The following FGF13 variants were observed in gnomAD, a reference collection of about 807,000 sequenced individuals.
The protein encoded by FGF13 is fibroblast growth factor 13.
FGF13 carries 2 observed loss-of-function variants against 19.5 expected under a neutral mutation model. The ratio of observed to expected loss-of-function variants is 0.10; its 90% confidence interval spans 0.04 to 0.32. FGF13 has a LOEUF of 0.32. Ranked by LOEUF, FGF13 falls within the 10% of genes least tolerant of loss-of-function variation. FGF13 has a pLI of 1.00. For missense variants in FGF13, 113 were observed against 192.7 expected (o/e 0.59, Z 2.45); for synonymous variants, 72 against 76.9 (o/e 0.94, Z 0.33).
intron 1 of FGF13, among the ~76,000 whole-genome samples, chrX:138,943,908 T>C (rs929965724): frequency 1.8e-5 from 2 of 111,693 alleles, no homozygotes; most frequent in African/African-American, 3.3e-5. Context: ...AAATCATTCA[T>C]GAAAAGGAAA....
At chrX:139,193,398 C>T (rs907808660) in intron 1 of FGF13, among the ~76,000 whole-genome samples, 2 of 112,134 alleles carry the variant, frequency 1.8e-5, no homozygotes, top group Non-Finnish European at 3.8e-5. Context: ...ATTGTCATTA[C>T]GTAACACATT....
chrX:139,022,244 G>A (rs746040910), intron 1 of FGF13, among the ~76,000 whole-genome samples: 1 of 111,545 alleles, frequency 9.0e-6, no homozygotes, highest in East Asian at 2.9e-4. Context: ...GATGTATATG[G>A]AAAGAAGCAC....
At chrX:138,691,109 G>A (rs2089834640) in intron 3 of FGF13, among the ~76,000 whole-genome samples, 1 of 111,153 alleles carries the variant, frequency 9.0e-6, no homozygotes, top group Non-Finnish European at 1.9e-5. Context: ...GAAGAGCAAT[G>A]AAGGGAGTTT....
At chrX:139,055,198 T>C (rs2092317374) in intron 1 of FGF13, among the ~76,000 whole-genome samples, 1 of 111,478 alleles carries the variant, frequency 9.0e-6, no homozygotes, top group South Asian at 3.8e-4. Flanking sequence ...TTGCTCTGGC[T>C]AGGAATTCCA....
intron 1 of FGF13, among the ~76,000 whole-genome samples, chrX:139,024,990 A>G (rs1483399322): frequency 9.0e-6 from 1 of 110,833 alleles, no homozygotes; most frequent in Non-Finnish European, 1.9e-5. Flanking sequence ...TCACTCTCAA[A>G]GAGTCCTGCC....
At chrX:138,765,087 T>C (rs1244306189) in intron 3 of FGF13, among the ~76,000 whole-genome samples, 1 of 112,304 alleles carries the variant, frequency 8.9e-6, no homozygotes, top group Non-Finnish European at 1.9e-5. Context: ...ATTTCCTTAA[T>C]ATGTATTTGG....
In FGF13 at chrX:138,626,488, AT is replaced by A. The variant is rs1433649445; in HGVS notation, c.*6361del. 61 of 111,942 alleles carry A rather than the reference AT, an allele frequency of 5.4e-4. No homozygotes were observed. The highest frequency in any genetic ancestry group is 1.4e-3 in the African/African-American group (43 of 30,798). The allele number at this position is 111,942 out of a possible 1,213,427, so 9.2% of individuals were successfully genotyped here. A position where few individuals can be genotyped will look rare whatever the true frequency, so the allele number is the denominator to read the frequency against. ...AATGTTTAAATTTCCCTAATCAAAA[AT>A]TTTTCCTCCATTGTATTTTTTACAT... On this transcript the variant is annotated 3_prime_UTR_variant, in exon 5 of 5. Transcript: ENST00000315930.
At chrX:138,866,568 C>T (rs986294325) in intron 1 of FGF13, among the ~76,000 whole-genome samples, 14 of 111,009 alleles carry the variant, frequency 1.3e-4, no homozygotes, top group South Asian at 3.8e-4. Context: ...ATCACAGTTC[C>T]GCTCCCACCC....
At chrX:138,782,566 G>C (rs1373004977) in intron 3 of FGF13, among the ~76,000 whole-genome samples, 3 of 105,969 alleles carry the variant, frequency 2.8e-5, no homozygotes, top group African/African-American at 1.0e-4. Context: ...ATTCACAATT[G>C]CTTCAAAGAG....
chrX:138,741,927 C>G (rs779609161), upstream of FGF13, among the ~76,000 whole-genome samples: 4 of 111,867 alleles, frequency 3.6e-5, no homozygotes, highest in Non-Finnish European at 7.5e-5. Context: ...GACTCAGGTT[C>G]CACACTACCA....
rs138561000 is a variant in FGF13, at chrX:139,135,609, G to A, written c.-113+67807C>T. On this transcript the variant is annotated intron_variant, in intron 1 of 2. Transcript: ENST00000421460. ...TGCTTGGTTATGTGAGGCACCTACT[G>A]AATTTCTTGTGCTTGACACTAGGAC... Among the ~76,000 whole-genome samples, 189 of 111,750 alleles carry A rather than the reference G, an allele frequency of 1.7e-3. 1 individual carries two copies. The highest frequency in any genetic ancestry group is 6.0e-3 in the African/African-American group (184 of 30,774).
chrX:138,937,464 C>T (rs997502508), intron 1 of FGF13, among the ~76,000 whole-genome samples: 1 of 112,192 alleles, frequency 8.9e-6, no homozygotes, highest in Non-Finnish European at 1.9e-5. Flanking sequence ...TGCATGTAAG[C>T]AGGAGCTATG....
intron 1 of FGF13, among the ~76,000 whole-genome samples, chrX:139,095,930 A>G (rs1357911465): frequency 8.9e-6 from 1 of 111,947 alleles, no homozygotes; most frequent in East Asian, 2.8e-4. Context: ...ATTTTTAACA[A>G]GAAAGAAACA....
At chrX:139,106,079 T>C (rs1370136749) in intron 1 of FGF13, among the ~76,000 whole-genome samples, 1 of 112,321 alleles carries the variant, frequency 8.9e-6, no homozygotes, top group East Asian at 2.8e-4. Flanking sequence ...ATGCTAATCC[T>C]GTACATTTGC....
intron 1 of FGF13, among the ~76,000 whole-genome samples, chrX:138,870,061 G>A (rs6528568): frequency 0.1 from 11,620 of 111,749 alleles, 1,461 homozygotes; most frequent in African/African-American, 0.36. Flanking sequence ...TTAAAATAGC[G>A]TTTAACGATT....
At chrX:138,962,494 G>A (rs1241193293) in intron 1 of FGF13, among the ~76,000 whole-genome samples, 2 of 111,707 alleles carry the variant, frequency 1.8e-5, no homozygotes, top group African/African-American at 6.5e-5. Flanking sequence ...CCCATTACTG[G>A]GTATATATCC....
At chrX:138,856,117 A>G (rs2091256399), downstream of FGF13, among the ~76,000 whole-genome samples, 1 of 111,417 alleles carries the variant, frequency 9.0e-6, no homozygotes, top group Non-Finnish European at 1.9e-5. Flanking sequence ...TATCTTCTCC[A>G]CTAAACAACC....
chrX:138,989,113 T>C (rs976870743), intron 1 of FGF13, among the ~76,000 whole-genome samples: 1 of 111,633 alleles, frequency 9.0e-6, no homozygotes, highest in African/African-American at 3.3e-5. Context: ...GTTTTTAATA[T>C]CTGCAACCAG....
chrX:138,733,145 T>A (rs779962147), intron 1 of FGF13, among the ~76,000 whole-genome samples: 1 of 111,997 alleles, frequency 8.9e-6, no homozygotes, highest in Non-Finnish European at 1.9e-5. Context: ...TCAGCTTTCA[T>A]ATGTCTATAA....
Sources: gnomAD v4.1 joint callset for allele counts (sites outside exome capture counted in the v4.1 genomes callset) on GRCh38, gnomAD v4.1.1 for gene constraint, MANE v1.5 for transcripts, NCBI Gene and HGNC (gene_info 2026-07-23, HGNC 2026-07-21) for gene names.